The following DOCK3 variants were observed in gnomAD, a reference collection of about 807,000 sequenced individuals.
The protein encoded by DOCK3 is dedicator of cytokinesis 3, also known as dedicator of cytokinesis protein 3.
DOCK3 carries 60 observed loss-of-function variants against 265.6 expected under a neutral mutation model. The observed-to-expected ratio is 0.23, with a 90% CI of 0.18 to 0.28. The LOEUF (loss-of-function observed/expected upper bound fraction) is 0.28. DOCK3 is among the 10% of genes least tolerant of loss of function. The pLI is 1.00. For synonymous variants in DOCK3, 881 were observed against 938.0 expected (o/e 0.94, Z 1.11); for missense variants, 1,981 against 2,594.3 (o/e 0.76, Z 5.14).
chr3:51,194,504 T>C (rs1049136453), intron 12 of DOCK3, among the ~76,000 whole-genome samples: 2 of 152,240 alleles, frequency 1.3e-5, no homozygotes, highest in African/African-American at 2.4e-5. Context: ...AGTGGAATGT[T>C]GAAGTCCCCA....
chr3:50,685,297 T>C (rs1331355056), intron 1 of DOCK3, among the ~76,000 whole-genome samples: 2 of 152,226 alleles, frequency 1.3e-5, no homozygotes, highest in Non-Finnish European at 2.9e-5. Flanking sequence ...ATTTTTGTTA[T>C]AATAGGGCAT....
At chr3:50,803,555 G>A (rs890789484) in intron 2 of DOCK3, among the ~76,000 whole-genome samples, 30 of 151,022 alleles carry the variant, frequency 2.0e-4, no homozygotes, top group Middle Eastern at 3.4e-3. Flanking sequence ...AACTGCCATC[G>A]TCATCATGGC....
At chr3:51,006,972 T>A (rs1049264762) in intron 5 of DOCK3, among the ~76,000 whole-genome samples, 4 of 152,164 alleles carry the variant, frequency 2.6e-5, no homozygotes, top group African/African-American at 9.7e-5. Flanking sequence ...TTTATGGCTG[T>A]GTAGTATTCC....
intron 5 of DOCK3, among the ~76,000 whole-genome samples, chr3:51,042,195 G>A (rs1185229330): frequency 6.6e-6 from 1 of 152,106 alleles, no homozygotes; most frequent in East Asian, 1.9e-4. Context: ...CAAAATACTG[G>A]CAAACTGAAT....
intron 24 of DOCK3, among the ~76,000 whole-genome samples, chr3:51,274,214 T>C (rs1359093905): frequency 2.6e-5 from 4 of 152,234 alleles, no homozygotes; most frequent in African/African-American, 4.8e-5. Context: ...ACAAAGGTCA[T>C]GCTTCAATTG....
chr3:50,821,840 T>A (rs968977576), intron 2 of DOCK3, among the ~76,000 whole-genome samples: 1 of 152,198 alleles, frequency 6.6e-6, no homozygotes, highest in South Asian at 2.1e-4. Flanking sequence ...GCTTTATTTC[T>A]GAGTTTTCTA....
intron 5 of DOCK3, among the ~76,000 whole-genome samples, chr3:50,962,453 T>G (rs1185886829): frequency 6.6e-6 from 1 of 152,186 alleles, no homozygotes; most frequent in Non-Finnish European, 1.5e-5. Flanking sequence ...GGACTTCTGT[T>G]TCTCACTTCC....
chr3:50,846,675 AT>A (rs1306878331), intron 3 of DOCK3, among the ~76,000 whole-genome samples: 2 of 152,080 alleles, frequency 1.3e-5, no homozygotes, highest in African/African-American at 4.8e-5. Context: ...TACTGATTCA[AT>A]TTTTGAACTT....
chr3:51,233,678 A>G (rs2078235129), intron 19 of DOCK3, among the ~76,000 whole-genome samples: 1 of 152,116 alleles, frequency 6.6e-6, no homozygotes. Flanking sequence ...CTCTTTCAGC[A>G]GTACTCTGTA....
At chr3:51,066,356 A>G (rs924937396) in intron 6 of DOCK3, among the ~76,000 whole-genome samples, 1 of 152,208 alleles carries the variant, frequency 6.6e-6, no homozygotes, top group Non-Finnish European at 1.5e-5. Flanking sequence ...GCACATTAAG[A>G]TAGCTTAGTA....
At chr3:51,362,122 C>G (rs2110353083) in intron 48 of DOCK3, 125 bp downstream of exon 48, 1 of 1,253,224 alleles carries the variant, frequency 8.0e-7, no homozygotes, top group East Asian at 2.6e-5. Flanking sequence ...ATTCAGAACA[C>G]CCCTCACCAG....
intron 5 of DOCK3, among the ~76,000 whole-genome samples, chr3:50,980,892 T>G (rs558504793): frequency 1.4e-4 from 21 of 152,278 alleles, no homozygotes; most frequent in African/African-American, 4.8e-4. Flanking sequence ...TGTTTATCTT[T>G]TTGAAAAAAA....
At chr3:51,108,861 A>G (rs2083398000) in intron 9 of DOCK3, among the ~76,000 whole-genome samples, 1 of 152,244 alleles carries the variant, frequency 6.6e-6, no homozygotes, top group Non-Finnish European at 1.5e-5. Flanking sequence ...TGCGCTCAAC[A>G]CAGGAGCACT....
At chr3:50,970,798 C>G (rs1200565051) in intron 5 of DOCK3, among the ~76,000 whole-genome samples, 1 of 140,810 alleles carries the variant, frequency 7.1e-6, no homozygotes, top group Admixed American at 7.2e-5. Context: ...GCAAAAATAG[C>G]TCACTGCAGC....
chr3:51,265,258 A>T (rs1322824903), intron 23 of DOCK3, among the ~76,000 whole-genome samples: 1 of 152,232 alleles, frequency 6.6e-6, no homozygotes, highest in Non-Finnish European at 1.5e-5. Flanking sequence ...TCACAGCCAA[A>T]TTCTACCAGA....
At chr3:50,948,593 T>C (rs2076504794) in intron 5 of DOCK3, among the ~76,000 whole-genome samples, 1 of 151,804 alleles carries the variant, frequency 6.6e-6, no homozygotes, top group Non-Finnish European at 1.5e-5. Context: ...TTTTCTTTTC[T>C]CTTCTTTCTC....
At chr3:51,312,684 C>A (rs1325221195) in intron 30 of DOCK3, 108 bp downstream of exon 30, 5 of 1,277,948 alleles carry the variant, frequency 3.9e-6, no homozygotes, top group Non-Finnish European at 5.4e-6. Flanking sequence ...GGTGGTTTCC[C>A]AGGGGCCCAA....
chr3:51,257,482 T>G (rs1205523427), intron 22 of DOCK3, among the ~76,000 whole-genome samples: 1 of 152,188 alleles, frequency 6.6e-6, no homozygotes, highest in Non-Finnish European at 1.5e-5. Flanking sequence ...TATTATTTCT[T>G]ACTTGGTTAT....
At chr3:50,969,709 A>G (rs1487662563) in intron 5 of DOCK3, among the ~76,000 whole-genome samples, 1 of 152,174 alleles carries the variant, frequency 6.6e-6, no homozygotes, top group Non-Finnish European at 1.5e-5. Flanking sequence ...TTGTCTAGAA[A>G]AGACTTTGTC....
Sources: gnomAD v4.1 joint callset for allele counts (sites outside exome capture counted in the v4.1 genomes callset) on GRCh38, gnomAD v4.1.1 for gene constraint, MANE v1.5 for transcripts, NCBI Gene and HGNC (gene_info 2026-07-23, HGNC 2026-07-21) for gene names.